TMEM132B: variants seen among roughly 807,000 people sequenced by gnomAD.
TMEM132B encodes transmembrane protein 132B.
A neutral mutation model predicts 90.8 loss-of-function variants in TMEM132B; 18 were observed. That is an observed-to-expected ratio of 0.20 (90% CI 0.14 to 0.29). TMEM132B has a LOEUF of 0.29. Among genes scored for constraint, TMEM132B ranks in the 10% least tolerant of loss-of-function variants. The pLI is 1.00. For missense variants in TMEM132B, 1,096 were observed against 1,326.8 expected, an observed-to-expected ratio of 0.83 and a Z score of 2.70; for synonymous variants, 504 against 523.3, an observed-to-expected ratio of 0.96 and a Z score of 0.50.
At chr12:125,504,074 G>A (rs1015118252) in intron 3 of TMEM132B, among the ~76,000 whole-genome samples, 1 of 152,332 alleles carries the variant, frequency 6.6e-6, no homozygotes, top group South Asian at 2.1e-4. Context: ...TTGGTGACAG[G>A]AGAATTTCTG....
At chr12:125,337,335 A>G (rs1388816230) in intron 1 of TMEM132B, among the ~76,000 whole-genome samples, 3 of 151,660 alleles carry the variant, frequency 2.0e-5, no homozygotes, top group Non-Finnish European at 4.4e-5. Flanking sequence ...TCCTGCTCAC[A>G]TCTAGTGTGG....
chr12:125,543,957 A>T (rs1884024441), intron 4 of TMEM132B, among the ~76,000 whole-genome samples: 1 of 152,250 alleles, frequency 6.6e-6, no homozygotes, highest in South Asian at 2.1e-4. Flanking sequence ...CCAAATGCCC[A>T]TCAATGATAG....
intron 3 of TMEM132B, among the ~76,000 whole-genome samples, chr12:125,428,290 A>G (rs796794565): frequency 1.1e-3 from 118 of 108,472 alleles, no homozygotes; most frequent in African/African-American, 3.5e-3. Context: ...CACTGCACCC[A>G]GCTGTAAATG....
intron 5 of TMEM132B, among the ~76,000 whole-genome samples, chr12:125,615,799 C>T (rs1234732938): frequency 1.3e-5 from 2 of 152,128 alleles, no homozygotes; most frequent in South Asian, 2.1e-4. Flanking sequence ...GGTGTAGGGG[C>T]CAAGGCTAAA....
chr12:125,484,300 G>A (rs1882142530), intron 3 of TMEM132B, among the ~76,000 whole-genome samples: 1 of 152,124 alleles, frequency 6.6e-6, no homozygotes, highest in Admixed American at 6.5e-5. Context: ...TGAGGACATT[G>A]TTGGGGCTGG....
At chr12:125,278,676 T>A (rs998899789) in intron 1 of TMEM132B, among the ~76,000 whole-genome samples, 23 of 152,160 alleles carry the variant, frequency 1.5e-4, no homozygotes, top group African/African-American at 5.3e-4. Flanking sequence ...CAGCAAACTA[T>A]GCCATTATTT....
chr12:125,544,274 A>G (rs1406239489), intron 4 of TMEM132B, among the ~76,000 whole-genome samples: 1 of 152,210 alleles, frequency 6.6e-6, no homozygotes, highest in Non-Finnish European at 1.5e-5. Context: ...AGGTGCAACA[A>G]ACCACCATGA....
chr12:125,231,196 G>A (rs367705346), intron 1 of TMEM132B, among the ~76,000 whole-genome samples: 22 of 151,140 alleles, frequency 1.5e-4, no homozygotes, highest in African/African-American at 4.9e-4. Flanking sequence ...CTGTCTTCAC[G>A]TGGCTGTCTT....
At chr12:125,644,461 G>A (rs778722229) in intron 6 of TMEM132B, among the ~76,000 whole-genome samples, 180 bp downstream of exon 6, 10 of 152,066 alleles carry the variant, frequency 6.6e-5, no homozygotes, top group Admixed American at 5.2e-4. Context: ...TTGACATGAG[G>A]AAATTATAAT....
chr12:125,196,635 G>A (rs564579188), intron 1 of TMEM132B, among the ~76,000 whole-genome samples: 4 of 152,286 alleles, frequency 2.6e-5, no homozygotes, highest in Admixed American at 1.3e-4. Flanking sequence ...CTTGAGCCTG[G>A]GAGGCAGAGT....
chr12:125,507,115 A>C (rs1882866354), intron 3 of TMEM132B, among the ~76,000 whole-genome samples: 1 of 152,210 alleles, frequency 6.6e-6, no homozygotes, highest in Non-Finnish European at 1.5e-5. Flanking sequence ...GCCTGTCTAG[A>C]CCTAGGCAGG....
At chr12:125,233,311 C>G (rs1873865628) in intron 1 of TMEM132B, among the ~76,000 whole-genome samples, 1 of 152,200 alleles carries the variant, frequency 6.6e-6, no homozygotes, top group African/African-American at 2.4e-5. Flanking sequence ...CAAAAAGACC[C>G]AAGATCCTTC....
At chr12:125,221,902 A>G (rs959853375) in intron 1 of TMEM132B, among the ~76,000 whole-genome samples, 1 of 152,196 alleles carries the variant, frequency 6.6e-6, no homozygotes, top group Non-Finnish European at 1.5e-5. Context: ...CTGGAGCCCA[A>G]CTAGCGTGGT....
At chr12:125,386,222 A>C (rs1454371646) in intron 2 of TMEM132B, among the ~76,000 whole-genome samples, 1 of 152,200 alleles carries the variant, frequency 6.6e-6, no homozygotes, top group African/African-American at 2.4e-5. Flanking sequence ...TCTTGGGCTC[A>C]AGTGATCTGC....
chr12:125,580,685 C>G (rs909848184), intron 4 of TMEM132B, among the ~76,000 whole-genome samples: 1 of 152,070 alleles, frequency 6.6e-6, no homozygotes, highest in Non-Finnish European at 1.5e-5. Flanking sequence ...GCCTATAAAC[C>G]TTTGGTTTAT....
chr12:125,519,671 C>G, intron 4 of TMEM132B, 46 bp downstream of exon 4: 3 of 1,593,408 alleles, frequency 1.9e-6, no homozygotes, highest in Non-Finnish European at 2.6e-6. Context: ...AAGAAGTTTT[C>G]TTTAAACATG....
Position 125,459,007 on chromosome 12 carries a change from C to A in TMEM132B, c.1106+43330C>A, listed in dbSNP as rs893021843. Reference sequence around the variant, plus strand: ...GGAGCTCAGATTCCCTGTGGTCCCCCCATGTGCAATTAGCATCTTCGGGTG... The same window carrying A: ...GGAGCTCAGATTCCCTGTGGTCCCCACATGTGCAATTAGCATCTTCGGGTG... On this transcript the variant is annotated intron_variant, in intron 3 of 8. Transcript: ENST00000682704. This position sits in a 1 kb window ranked among gnomAD's most constrained non-coding sequence, Gnocchi z 4.1. 6.6e-6 allele frequency among the ~76,000 whole-genome samples: 1 copy of A among 152,182 alleles called. No individual in the cohort carries two copies. The highest frequency in any genetic ancestry group is 1.5e-5 in the Non-Finnish European group (1 of 68,032).
intron 3 of TMEM132B, among the ~76,000 whole-genome samples, chr12:125,473,403 G>T (rs556942549): frequency 2.0e-5 from 3 of 152,060 alleles, no homozygotes; most frequent in African/African-American, 7.2e-5. Context: ...TGCAAAGTTT[G>T]TCTCCCCAGT....
At chr12:125,544,847 T>G (rs1884049121) in intron 4 of TMEM132B, among the ~76,000 whole-genome samples, 1 of 152,222 alleles carries the variant, frequency 6.6e-6, no homozygotes, top group Non-Finnish European at 1.5e-5. Context: ...TGCAGACATC[T>G]TGGCGTTGCT....
Sources: gnomAD v4.1 joint callset for allele counts (sites outside exome capture counted in the v4.1 genomes callset) on GRCh38, gnomAD v4.1.1 for gene constraint, Gnocchi (gnomAD v3.1) non-coding constraint, MANE v1.5 for transcripts, NCBI Gene and HGNC (gene_info 2026-07-23, HGNC 2026-07-21) for gene names.